Variants in METTL4 observed in about 807,000 individuals in gnomAD.
The protein encoded by METTL4 is methyltransferase 4, N6-adenosine.
A neutral mutation model predicts 54.0 loss-of-function variants in METTL4; 40 were observed. That is an observed-to-expected ratio of 0.74 (90% CI 0.58 to 0.96). METTL4 has a LOEUF of 0.96. Ranked by LOEUF, METTL4 falls within the 50% of genes least tolerant of loss-of-function variation. The probability of loss-of-function intolerance (pLI) is 0.00; values close to 1 mark genes in which losing one functional copy is unlikely to be tolerated. For missense variants in METTL4, 525 were observed against 549.0 expected, an observed-to-expected ratio of 0.96 and a Z score of 0.44; for synonymous variants, 169 against 183.8, an observed-to-expected ratio of 0.92 and a Z score of 0.65.
At chr18:2,549,757 G>C (rs371619389) in intron 5 of METTL4, among the ~76,000 whole-genome samples, 1 of 145,166 alleles carries the variant, frequency 6.9e-6, no homozygotes, top group Non-Finnish European at 1.5e-5. Flanking sequence ...CGAGGCAAGT[G>C]TATCACCTGA....
At chr18:2,542,898 C>T (rs950358921) in intron 8 of METTL4, among the ~76,000 whole-genome samples, 5 of 151,902 alleles carry the variant, frequency 3.3e-5, no homozygotes, top group Admixed American at 6.6e-5. Context: ...GAGGCCGAGG[C>T]GGGCGGATCA....
intron 3 of METTL4, among the ~76,000 whole-genome samples, chr18:2,560,797 T>A (rs2072305513): frequency 6.6e-6 from 1 of 152,094 alleles, no homozygotes; most frequent in South Asian, 2.1e-4. Flanking sequence ...GAGAATGGCA[T>A]GAACCCAGGA....
chr18:2,570,664 C>G (rs191201242), intron 1 of METTL4, among the ~76,000 whole-genome samples: 1 of 152,188 alleles, frequency 6.6e-6, no homozygotes, highest in East Asian at 1.9e-4. Context: ...TAGGCCACAG[C>G]TGAGGTGAAA....
rs2071931985 is a variant in METTL4, at chr18:2,537,724, C to T, written c.*1276G>A. 1 of 395,864 alleles carries T rather than the reference C, an allele frequency of 2.5e-6. No individual in the cohort carries two copies. Among genetic ancestry groups the T allele is most frequent in the Admixed American group, 4.4e-5 (1 of 22,660 alleles). The allele number at this position is 395,864 out of a possible 1,614,324, so 24.5% of individuals were successfully genotyped here. A position where few individuals can be genotyped will look rare whatever the true frequency, so the allele number is the denominator to read the frequency against. Reference sequence around the variant, plus strand: ...TTGTCAAAGAATCATTTCAGTCTAACATTTTACTTAGTGGATAAATATTTG... The same window carrying T: ...TTGTCAAAGAATCATTTCAGTCTAATATTTTACTTAGTGGATAAATATTTG... On this transcript the variant is annotated 3_prime_UTR_variant, in exon 9 of 9. Coordinates refer to ENST00000574538, the MANE Select transcript of METTL4 (RefSeq NM_022840.5).
At chr18:2,567,734 G>C (rs2072442653) in intron 1 of METTL4, 80 bp from the exon 2 acceptor site, 1 of 152,286 alleles carries the variant, frequency 6.6e-6, no homozygotes, top group African/African-American at 2.4e-5. Flanking sequence ...GAGGGGCATA[G>C]AATTTCAGAA....
intron 8 of METTL4, among the ~76,000 whole-genome samples, chr18:2,543,057 G>A (rs1046406715): frequency 7.4e-5 from 11 of 147,846 alleles, no homozygotes; most frequent in African/African-American, 2.8e-4. Context: ...CCAGGAGGTA[G>A]AGGATGCAGT....
At chr18:2,568,097 T>C (rs1163744696) in intron 1 of METTL4, among the ~76,000 whole-genome samples, 1 of 152,220 alleles carries the variant, frequency 6.6e-6, no homozygotes, top group African/African-American at 2.4e-5. Flanking sequence ...GAATAAGAAA[T>C]AAATGAGTGC....
At chr18:2,545,265 A>G (rs533953100) in intron 6 of METTL4, among the ~76,000 whole-genome samples, 1 of 152,238 alleles carries the variant, frequency 6.6e-6, no homozygotes, top group South Asian at 2.1e-4. Context: ...CTTAACTAAA[A>G]TTGATTCCTG....
intron 8 of METTL4, among the ~76,000 whole-genome samples, chr18:2,543,113 C>CAAA (rs34850061): frequency 4.8e-4 from 41 of 85,408 alleles, no homozygotes; most frequent in African/African-American, 1.5e-3. Flanking sequence ...GACTCCATCT[C>CAAA]AAAAAAAAAA....
chr18:2,557,175 A>G (rs960485285), intron 3 of METTL4, among the ~76,000 whole-genome samples: 2 of 152,178 alleles, frequency 1.3e-5, no homozygotes, highest in Non-Finnish European at 2.9e-5. Flanking sequence ...ACAGAATATC[A>G]GAGAGGAAAG....
intron 3 of METTL4, among the ~76,000 whole-genome samples, chr18:2,556,627 AT>A (rs2072243180): frequency 6.6e-6 from 1 of 152,168 alleles, no homozygotes; most frequent in Non-Finnish European, 1.5e-5. Flanking sequence ...AAATAAAAAT[AT>A]TGGGAATAAA....
chr18:2,549,265 T>C (rs1054996575), intron 5 of METTL4, among the ~76,000 whole-genome samples: 2 of 152,204 alleles, frequency 1.3e-5, no homozygotes, highest in Admixed American at 1.3e-4. Flanking sequence ...TATCTTGTAA[T>C]ACCAATTATC....
intron 5 of METTL4, among the ~76,000 whole-genome samples, chr18:2,549,770 A>G (rs1319726808): frequency 6.8e-6 from 1 of 147,706 alleles, no homozygotes; most frequent in Non-Finnish European, 1.5e-5. Context: ...TCACCTGAGG[A>G]CAGAAGTTTG....
chr18:2,554,717 T>C lies in METTL4; in HGVS notation c.781A>G (p.Ser261Gly). 1.2e-6 allele frequency: 2 copies of C among 1,610,630 alleles called. No homozygotes were observed. Among genetic ancestry groups the C allele is most frequent in the Non-Finnish European group, 1.7e-6 (2 of 1,179,100 alleles). Residue 261 changes from serine to glycine, a missense_variant, in exon 4 of 9, where the codon AGC (serine) becomes GGC (glycine). Ser to Gly is a moderately conservative substitution (Grantham distance 56, BLOSUM62 0). Coordinates refer to ENST00000574538, the MANE Select transcript of METTL4 (RefSeq NM_022840.5). ...GAAATGTCAGATAAAAGAAAACTGC[T>C]TTTCGGTGGTAGCAGGTATTTCTGT... is the stretch of plus-strand genomic sequence containing the variant. The part of the protein sequence containing the change: ...MGQKYLLPPK[S>G]SFLLSDISCM...
At chr18:2,556,997 A>G (rs931746360) in intron 3 of METTL4, among the ~76,000 whole-genome samples, 1 of 152,214 alleles carries the variant, frequency 6.6e-6, no homozygotes, top group Non-Finnish European at 1.5e-5. Flanking sequence ...CTTTTAAAAC[A>G]TTAGGCAAGG....
At chr18:2,554,537 A>C in intron 4 of METTL4, 132 bp downstream of exon 4, 1 of 795,014 alleles carries the variant, frequency 1.3e-6, no homozygotes, top group Non-Finnish European at 2.0e-6. Flanking sequence ...CCTAAGAGAC[A>C]AATAACCCAA....
chr18:2,554,971 T>A lies in METTL4; in HGVS notation c.527A>T (p.Tyr176Phe). The stretch of plus-strand genomic sequence containing the variant: ...CTTGTCCTGTTTTTCAAAAAGTGGA[T>A]AAAGAAAACCACTTTTGAGACCTTC... ...IQEGLKSGFL[Y>F]PLFEKQDKGS... is the part of the protein sequence containing the mutation. The change falls in exon 4 of 9, where the codon TAT (tyrosine) becomes TTT (phenylalanine). Residue 176 changes from tyrosine to phenylalanine, a missense_variant. By Grantham distance (22) the Tyr-to-Phe change is conservative. Coordinates refer to ENST00000574538, the MANE Select transcript of METTL4 (RefSeq NM_022840.5). 1 of 1,614,042 alleles carries A rather than the reference T, an allele frequency of 6.2e-7. No individual in the cohort carries two copies. Among genetic ancestry groups the A allele is most frequent in the Non-Finnish European group, 8.5e-7 (1 of 1,179,934 alleles).
chr18:2,566,155 C>G (rs1266632326), intron 2 of METTL4, among the ~76,000 whole-genome samples: 1 of 151,614 alleles, frequency 6.6e-6, no homozygotes, highest in East Asian at 1.9e-4. Flanking sequence ...CTAAAATGGA[C>G]TTTGTAAAAT....
At chr18:2,560,323 G>A (rs1017563279) in intron 3 of METTL4, among the ~76,000 whole-genome samples, 2 of 152,162 alleles carry the variant, frequency 1.3e-5, no homozygotes, top group African/African-American at 4.8e-5. Context: ...GCAACACACT[G>A]AGATGGTTAC....
Sources: gnomAD v4.1 joint callset for allele counts (sites outside exome capture counted in the v4.1 genomes callset) on GRCh38, gnomAD v4.1.1 for gene constraint, MANE v1.5 for transcripts, NCBI Gene and HGNC (gene_info 2026-07-23, HGNC 2026-07-21) for gene names.